The following VAC14 variants were observed in gnomAD, a reference collection of about 807,000 sequenced individuals.
VAC14 encodes VAC14 component of PIKFYVE complex.
A neutral mutation model predicts 85.3 loss-of-function variants in VAC14; 47 were observed. The observed-to-expected ratio is 0.55, with a 90% CI of 0.44 to 0.70. The LOEUF is 0.70. VAC14 is among the 30% of genes least tolerant of loss of function. The pLI is 0.00. For missense variants in VAC14, 861 were observed against 1,004.3 expected, an observed-to-expected ratio of 0.86 and a Z score of 1.93; for synonymous variants, 447 against 430.5, an observed-to-expected ratio of 1.04 and a Z score of -0.47.
At chr16:70,705,779 G>C (rs1451789483) in intron 14 of VAC14, among the ~76,000 whole-genome samples, 8 of 152,206 alleles carry the variant, frequency 5.3e-5, no homozygotes, top group South Asian at 2.1e-4. Flanking sequence ...AGTTCCAGGA[G>C]GGGTGGGTGT....
chr16:70,752,789 T>A (rs1166115657), intron 12 of VAC14, among the ~76,000 whole-genome samples: 1 of 152,228 alleles, frequency 6.6e-6, no homozygotes, highest in Non-Finnish European at 1.5e-5. Flanking sequence ...GTGGGGCACG[T>A]CCAAGGAGAT....
intron 18 of VAC14, chr16:70,691,978 C>A: frequency 1.0e-6 from 1 of 985,136 alleles, no homozygotes; most frequent in Non-Finnish European, 1.2e-6. Flanking sequence ...ACACACAGGG[C>A]ATCTGATGCA....
chr16:70,697,617 G>C (rs2053740235), intron 15 of VAC14, among the ~76,000 whole-genome samples: 1 of 152,184 alleles, frequency 6.6e-6, no homozygotes, highest in Non-Finnish European at 1.5e-5. Context: ...CTGGGATGAT[G>C]ATGGGGGAGT....
intron 18 of VAC14, chr16:70,691,777 C>A: frequency 5.1e-6 from 5 of 985,436 alleles, no homozygotes; most frequent in Non-Finnish European, 6.0e-6. Flanking sequence ...CCACACTCAG[C>A]CATCCGAGGG....
intron 1 of VAC14, among the ~76,000 whole-genome samples, chr16:70,799,940 G>A (rs75933311): frequency 0.029 from 4,391 of 152,210 alleles, 486 homozygotes; most frequent in Admixed American, 0.21. Context: ...ATTTATAATA[G>A]CTACGCACGG....
chr16:70,695,701 T>C, intron 16 of VAC14, 78 bp from the exon 17 acceptor site: 2 of 1,397,722 alleles, frequency 1.4e-6, no homozygotes, highest in African/African-American at 1.4e-5. Context: ...CCTCCCCCCC[T>C]GCACCTGGCT....
At chr16:70,745,474 G>A (rs961290670) in intron 12 of VAC14, among the ~76,000 whole-genome samples, 3 of 147,608 alleles carry the variant, frequency 2.0e-5, no homozygotes, top group African/African-American at 7.4e-5. Flanking sequence ...CCTGTTGGGA[G>A]GGGCTTCAGT....
At position 70,736,258 on chromosome 16, in the gene VAC14, C is replaced by T. The variant is rs550536290; in HGVS notation, c.1529-4631G>A. ...ATAAAAACATGTAATGTGCCGGGTC[C>T]GGAGCCTGCCGCACAGTCTGCACTC... On this transcript the variant is annotated intron_variant, in intron 13 of 18. Coordinates refer to ENST00000261776, the MANE Select transcript of VAC14 (RefSeq NM_018052.5). Among the ~76,000 whole-genome samples, 26 of 152,326 alleles carry T rather than the reference C, an allele frequency of 1.7e-4. No individual in the cohort carries two copies. In the South Asian group the frequency reaches 3.3e-3, roughly 19 times the overall value.
chr16:70,781,198 T>G (rs2033794910), intron 8 of VAC14, among the ~76,000 whole-genome samples: 1 of 152,074 alleles, frequency 6.6e-6, no homozygotes, highest in African/African-American at 2.4e-5. Flanking sequence ...TCTTGCCATG[T>G]GACCTGCTGG....
Position 70,784,760 on chromosome 16 carries a change from G to A in VAC14, c.486+16C>T. On this transcript the variant is annotated intron_variant, in intron 4 of 18. Transcript: ENST00000261776. ...AACAGATTGTAGAAATAAAAGTGGG[G>A]ACAAAGTACAAATACCTTTAAAAGG... is the stretch of plus-strand genomic sequence containing the variant. The A allele has an allele frequency of 6.2e-7, 1 of 1,612,606 alleles. No homozygotes were observed. The highest frequency in any genetic ancestry group is 8.5e-7 in the Non-Finnish European group (1 of 1,178,682).
chr16:70,738,786 G>C (rs1185018832), intron 13 of VAC14, among the ~76,000 whole-genome samples: 1 of 152,214 alleles, frequency 6.6e-6, no homozygotes, highest in Non-Finnish European at 1.5e-5. Context: ...AGGGATTCCG[G>C]GGTAAGTAAA....
rs1484806080 is a variant in VAC14 at position 70,697,211 on chromosome 16, T to C, written c.1883A>G (p.Asn628Ser). Reference sequence around the variant, plus strand: ...GCAGAGGGACACCGTGGTGACTGGGTTGTGGCACCAGGAGCGGTACAGGCA... The same window carrying C: ...GCAGAGGGACACCGTGGTGACTGGGCTGTGGCACCAGGAGCGGTACAGGCA... Reference protein sequence around the residue: ...FCCLYRSWCHNPVTTVSLCFL... With the variant: ...FCCLYRSWCHSPVTTVSLCFL... Residue 628 changes from asparagine to serine, a missense_variant, in exon 16 of 19, where the codon AAC becomes AGC. Physicochemically the swap from Asn to Ser is conservative, Grantham distance 46. Transcript: ENST00000261776. 6.2e-7 allele frequency: 1 copy of C among 1,613,870 alleles called. No homozygotes were observed. Among genetic ancestry groups the C allele is most frequent in the Non-Finnish European group, 8.5e-7 (1 of 1,179,980 alleles).
intron 8 of VAC14, 46 bp downstream of exon 8, chr16:70,781,823 C>G (rs1460200841): frequency 6.2e-7 from 1 of 1,603,742 alleles, no homozygotes; most frequent in Non-Finnish European, 8.5e-7. Context: ...ACTTCATAAT[C>G]CCTTTGGGGC....
chr16:70,776,108 T>G (rs1281837385), intron 9 of VAC14, among the ~76,000 whole-genome samples: 1 of 152,110 alleles, frequency 6.6e-6, no homozygotes, highest in African/African-American at 2.4e-5. Flanking sequence ...TTGTAGCATT[T>G]TTTGTTTGTT....
In VAC14 at chr16:70,785,866, A is replaced by G; in HGVS notation, c.259T>C (p.Ser87Pro). ...ATCAGCTCCTTCAGGTAGAGCCCTGAGTCCTGCAAGGAGGCAGGAGGAGAA... is the reference window on the plus strand; with the variant it reads ...ATCAGCTCCTTCAGGTAGAGCCCTGGGTCCTGCAAGGAGGCAGGAGGAGAA... Reference protein sequence around the residue: ...AACSIALGKDSGLYLKELIEP... With the variant: ...AACSIALGKDPGLYLKELIEP... The change falls in exon 3 of 19, where the codon TCA becomes CCA. Residue 87 changes from serine to proline, a missense_variant. Transcript: ENST00000261776. The G allele has an allele frequency of 6.2e-7, 1 of 1,603,740 alleles. No homozygotes were observed.
chr16:70,750,247 C>T (rs1020020629), intron 12 of VAC14, among the ~76,000 whole-genome samples: 22 of 152,096 alleles, frequency 1.4e-4, no homozygotes, highest in Non-Finnish European at 2.4e-4. Context: ...CTGGCTCTGA[C>T]GATGAGAAAA....
At chr16:70,740,316 A>G (rs1004509309) in intron 13 of VAC14, among the ~76,000 whole-genome samples, 3 of 152,208 alleles carry the variant, frequency 2.0e-5, no homozygotes, top group Admixed American at 6.5e-5. Context: ...AAGTCAGGGA[A>G]GACTGGGTTT....
chr16:70,726,393 C>A (rs2054429516), intron 14 of VAC14, among the ~76,000 whole-genome samples: 2 of 152,240 alleles, frequency 1.3e-5, no homozygotes, highest in African/African-American at 4.8e-5. Flanking sequence ...TTCATCCCCT[C>A]AGGGGTGTGG....
intron 14 of VAC14, among the ~76,000 whole-genome samples, chr16:70,718,788 A>C (rs1333016720): frequency 1.3e-5 from 2 of 152,148 alleles, no homozygotes; most frequent in Admixed American, 6.5e-5. Context: ...TGTCTGGGCC[A>C]ATCAGAGCTT....
Sources: allele counts gnomAD v4.1 joint callset (sites outside exome capture counted in the v4.1 genomes callset), GRCh38; gene constraint gnomAD v4.1.1; transcripts MANE v1.5; gene names NCBI Gene and HGNC (gene_info 2026-07-23, HGNC 2026-07-21).